GKAP1: variants seen among roughly 807,000 people sequenced by gnomAD.
The protein encoded by GKAP1 is G kinase anchoring protein 1.
GKAP1 carries 31 observed loss-of-function variants against 56.7 expected under a neutral mutation model. The ratio of observed to expected loss-of-function variants is 0.55; its 90% CI spans 0.41 to 0.74. The LOEUF is 0.74. GKAP1 is among the 30% of genes least tolerant of loss of function. GKAP1 has a pLI of 0.00. For synonymous variants in GKAP1, 151 were observed against 138.6 expected, an observed-to-expected ratio of 1.09 and a Z score of -0.63; for missense variants, 364 against 402.3, an observed-to-expected ratio of 0.90 and a Z score of 0.82.
At chr9:83,773,073 T>G (rs1437607031) in intron 7 of GKAP1, among the ~76,000 whole-genome samples, 1 of 152,180 alleles carries the variant, frequency 6.6e-6, no homozygotes, top group East Asian at 1.9e-4. Flanking sequence ...ATTTCACTCC[T>G]AAGTAACCAC....
intron 7 of GKAP1, among the ~76,000 whole-genome samples, chr9:83,771,380 T>G (rs924214328): frequency 1.3e-5 from 2 of 152,062 alleles, no homozygotes; most frequent in Admixed American, 6.6e-5. Context: ...ACCATGCCTG[T>G]CCCCACATTC....
In GKAP1 at chr9:83,806,241, A is replaced by G. The variant is rs904449137; in HGVS notation, c.216+61T>C. 3.3e-5 allele frequency: 35 copies of G among 1,072,636 alleles called. No homozygotes were observed. In the Admixed American group the frequency reaches 6.3e-4, roughly 19 times the overall value. 66.4% of individuals were successfully genotyped at this position (1,072,636 alleles called of 1,614,324 possible). On this transcript the variant is annotated intron_variant, in intron 3 of 12. Coordinates refer to ENST00000376371, the MANE Select transcript of GKAP1 (RefSeq NM_025211.4). ...TGGATACACAGGGGAACAAGATAGT[A>G]TCTGTTCTCAGGATGATTACCATCT...
At chr9:83,768,598 A>T (rs1279024611) in intron 8 of GKAP1, among the ~76,000 whole-genome samples, 3 of 152,194 alleles carry the variant, frequency 2.0e-5, no homozygotes, top group Non-Finnish European at 4.4e-5. Context: ...AGCTTATGGC[A>T]CATGCTCAGC....
chr9:83,802,003 T>C (rs1766351791), intron 3 of GKAP1, among the ~76,000 whole-genome samples: 1 of 152,222 alleles, frequency 6.6e-6, no homozygotes, highest in African/African-American at 2.4e-5. Flanking sequence ...AACACTATTC[T>C]TTCATTAAAT....
chr9:83,768,063 G>A (rs1306111333), intron 8 of GKAP1, among the ~76,000 whole-genome samples: 4 of 152,104 alleles, frequency 2.6e-5, no homozygotes, highest in South Asian at 4.1e-4. Flanking sequence ...ACAGACCACT[G>A]ACCAGATTTG....
At chr9:83,741,404 A>G (rs146371631) in intron 12 of GKAP1, among the ~76,000 whole-genome samples, 10 of 151,762 alleles carry the variant, frequency 6.6e-5, no homozygotes, top group African/African-American at 2.4e-4. Context: ...AAGCACTGGT[A>G]TTTTTAATTG....
At chr9:83,745,527 C>T (rs962732291) in intron 10 of GKAP1, among the ~76,000 whole-genome samples, 6 of 152,114 alleles carry the variant, frequency 3.9e-5, no homozygotes, top group African/African-American at 7.2e-5. Flanking sequence ...TTTTTGAGAG[C>T]AAGCTTTTAT....
At chr9:83,777,532 T>C (rs1185574844) in intron 7 of GKAP1, among the ~76,000 whole-genome samples, 1 of 152,164 alleles carries the variant, frequency 6.6e-6, no homozygotes, top group Admixed American at 6.6e-5. Flanking sequence ...GAAATTAACC[T>C]GAGAACAAGT....
intron 4 of GKAP1, among the ~76,000 whole-genome samples, chr9:83,789,786 T>C (rs1311832042): frequency 3.3e-5 from 5 of 152,236 alleles, no homozygotes; most frequent in African/African-American, 1.2e-4. Context: ...GGTTTAATTA[T>C]CTGATGATAA....
intron 6 of GKAP1, among the ~76,000 whole-genome samples, chr9:83,783,482 C>A (rs1237814200): frequency 6.6e-6 from 1 of 152,180 alleles, no homozygotes; most frequent in African/African-American, 2.4e-5. Flanking sequence ...CTGTACAGCA[C>A]AGGCTAAGTA....
chr9:83,790,367 T>C (rs369680675), intron 4 of GKAP1, among the ~76,000 whole-genome samples: 2 of 152,286 alleles, frequency 1.3e-5, no homozygotes, highest in East Asian at 1.9e-4. Flanking sequence ...CTTATGTACA[T>C]GGGTATTCAA....
At position 83,803,821 on chromosome 9, in the gene GKAP1, C is replaced by A. The variant is rs572281872; in HGVS notation, c.216+2481G>T. Among the ~76,000 whole-genome samples, 533 of 151,476 alleles carry A rather than the reference C, an allele frequency of 3.5e-3. 9 individuals are homozygous for A. Among genetic ancestry groups the A allele is most frequent in the African/African-American group, 0.013 (524 of 41,234 alleles). On this transcript the variant is annotated intron_variant, in intron 3 of 12. Transcript: ENST00000376371. ...CTAGGAAGTGAGGAGCGCCTCTTCCCGGCAGCCATCCCATCTGGGAAGTGA... is the reference window on the plus strand; with the variant it reads ...CTAGGAAGTGAGGAGCGCCTCTTCCAGGCAGCCATCCCATCTGGGAAGTGA...
intron 7 of GKAP1, among the ~76,000 whole-genome samples, chr9:83,769,561 T>G (rs1032958864): frequency 1.2e-4 from 18 of 152,248 alleles, no homozygotes; most frequent in African/African-American, 4.1e-4. Flanking sequence ...ATGGCTTGTA[T>G]CAGCACTTCA....
At chr9:83,748,977 C>T (rs1943341142) in intron 9 of GKAP1, 1 of 152,186 alleles carries the variant, frequency 6.6e-6, no homozygotes, top group African/African-American at 2.4e-5. Flanking sequence ...ATTTCACTAA[C>T]TAAATAATCA....
chr9:83,756,611 C>T lies in GKAP1; in HGVS notation c.739-3252G>A, dbSNP rs143536200. On this transcript the variant is annotated intron_variant, in intron 8 of 12. Transcript: ENST00000376371. ...GAAAAAGAATATATCCATAGTAAGA[C>T]CACACCAAATTATCAGTACTGTAGT... is the stretch of plus-strand genomic sequence containing the variant. 1.0e-3 allele frequency among the ~76,000 whole-genome samples: 159 copies of T among 151,978 alleles called. 1 individual carries two copies. In the East Asian group the frequency reaches 0.029, roughly 28 times the overall value.
intron 2 of GKAP1, among the ~76,000 whole-genome samples, chr9:83,813,321 C>T (rs1944537616): frequency 6.6e-6 from 1 of 152,214 alleles, no homozygotes; most frequent in African/African-American, 2.4e-5. Flanking sequence ...TTAAATTAGT[C>T]TATGAATATG....
At position 83,809,777 on chromosome 9, in the gene GKAP1, T is replaced by C. The variant is rs2780090; in HGVS notation, c.-43-3217A>G. On this transcript the variant is annotated intron_variant, in intron 2 of 12. Coordinates refer to ENST00000376371, the MANE Select transcript of GKAP1 (RefSeq NM_025211.4). ...AAACACTTGAAATTAGAAAGGTCAA[T>C]TGAATTTGAAATCCTGTCATTTGCT... Among the ~76,000 whole-genome samples, 1,408 of 152,332 alleles carry C rather than the reference T, an allele frequency of 9.2e-3. 20 individuals are homozygous for C. Among genetic ancestry groups the C allele is most frequent in the African/African-American group, 0.031 (1,303 of 41,556 alleles).
chr9:83,746,468 C>T (rs369335039), intron 10 of GKAP1, among the ~76,000 whole-genome samples: 17 of 151,958 alleles, frequency 1.1e-4, no homozygotes, highest in South Asian at 2.1e-4. Context: ...TTTGGGAGGC[C>T]GAGGCGGGTG....
At chr9:83,778,305 T>C (rs530024995) in intron 7 of GKAP1, among the ~76,000 whole-genome samples, 9 of 152,058 alleles carry the variant, frequency 5.9e-5, no homozygotes, top group Non-Finnish European at 7.4e-5. Context: ...TAAATGCCCA[T>C]CAATGGTAGA....
Sources: gnomAD v4.1 joint callset for allele counts (sites outside exome capture counted in the v4.1 genomes callset) on GRCh38, gnomAD v4.1.1 for gene constraint, MANE v1.5 for transcripts, NCBI Gene and HGNC (gene_info 2026-07-23, HGNC 2026-07-21) for gene names.